NFASC: variants seen among roughly 807,000 people sequenced by gnomAD.
NFASC encodes neurofascin homolog.
In NFASC, 43 loss-of-function variants were observed where a neutral mutation model predicts 147.5. That is an observed-to-expected ratio of 0.29 (90% CI 0.23 to 0.38). NFASC has a LOEUF of 0.38. Ranked by LOEUF, NFASC falls within the 10% of genes least tolerant of loss-of-function variation. NFASC has a pLI of 1.00. For synonymous variants in NFASC, 622 were observed against 665.5 expected (o/e 0.93, Z 1.01); for missense variants, 1,320 against 1,689.0 (o/e 0.78, Z 3.83).
chr1:204,928,197 C>T (rs1225580052), intron 2 of NFASC, among the ~76,000 whole-genome samples: 1 of 152,238 alleles, frequency 6.6e-6, no homozygotes, highest in Non-Finnish European at 1.5e-5. Context: ...TAAGCCAGCC[C>T]TTCACAGGGT....
At chr1:204,880,812 G>T (rs1192232643) in intron 1 of NFASC, among the ~76,000 whole-genome samples, 5 of 152,168 alleles carry the variant, frequency 3.3e-5, no homozygotes, top group Non-Finnish European at 7.3e-5. Flanking sequence ...TTTTATGCAG[G>T]ATCAGCGTCA....
At chr1:204,839,365 T>A (rs1437804457) in intron 1 of NFASC, among the ~76,000 whole-genome samples, 1 of 133,190 alleles carries the variant, frequency 7.5e-6, no homozygotes, top group Non-Finnish European at 1.6e-5. Context: ...CAGGCACGTA[T>A]GAAACACACA....
chr1:204,940,757 T>A (rs1029666805), intron 2 of NFASC, among the ~76,000 whole-genome samples: 1 of 152,240 alleles, frequency 6.6e-6, no homozygotes, highest in Non-Finnish European at 1.5e-5. Flanking sequence ...TTCATCCATG[T>A]TGGAGCATGT....
At chr1:204,860,833 A>G (rs2076598983) in intron 1 of NFASC, among the ~76,000 whole-genome samples, 1 of 152,142 alleles carries the variant, frequency 6.6e-6, no homozygotes. Flanking sequence ...GTGGAATCAT[A>G]TAATATATGG....
chr1:204,929,517 C>A (rs1233014166), intron 2 of NFASC: 2 of 152,466 alleles, frequency 1.3e-5, no homozygotes, highest in African/African-American at 4.8e-5. Context: ...GTGCTTTCCT[C>A]TGCTGCCAAG....
At chr1:204,983,442 G>A (rs1423860302) in intron 21 of NFASC, among the ~76,000 whole-genome samples, 1 of 152,180 alleles carries the variant, frequency 6.6e-6, no homozygotes, top group Non-Finnish European at 1.5e-5. Flanking sequence ...GCTGGCAGCA[G>A]CAGGAAGCCA....
intron 25 of NFASC, 109 bp from the exon 26 acceptor site, chr1:205,001,061 G>T: frequency 1.4e-6 from 1 of 722,194 alleles, no homozygotes. Context: ...GTGCGTGCGC[G>T]AGTGTGGGCA....
chr1:204,909,170 C>A (rs911697438), intron 1 of NFASC, among the ~76,000 whole-genome samples: 2 of 152,204 alleles, frequency 1.3e-5, no homozygotes, highest in African/African-American at 4.8e-5. Context: ...AAACCATATT[C>A]TAGACGCTGT....
At chr1:204,881,464 C>G (rs1209750972) in intron 1 of NFASC, among the ~76,000 whole-genome samples, 2 of 152,216 alleles carry the variant, frequency 1.3e-5, no homozygotes, top group Admixed American at 6.5e-5. Flanking sequence ...GCTAGTAGTT[C>G]CTCTGCTCCC....
At chr1:205,007,806 G>T (rs1199482873) in intron 27 of NFASC, among the ~76,000 whole-genome samples, 2 of 152,198 alleles carry the variant, frequency 1.3e-5, no homozygotes, top group African/African-American at 4.8e-5. Flanking sequence ...GGCCTGCTCT[G>T]ATGGAGCCCG....
At chr1:204,857,725 A>G (rs2076281223) in intron 1 of NFASC, among the ~76,000 whole-genome samples, 1 of 152,122 alleles carries the variant, frequency 6.6e-6, no homozygotes, top group Admixed American at 6.5e-5. Context: ...ACAAAGTACC[A>G]CAACCCTGGT....
intron 16 of NFASC, chr1:204,977,265 G>T: frequency 3.1e-6 from 1 of 327,046 alleles, no homozygotes; most frequent in Admixed American, 5.6e-5. Flanking sequence ...ATGACGTTGT[G>T]TCTTCCTGTC....
At chr1:204,978,035 G>T (rs2095441602) in intron 17 of NFASC, among the ~76,000 whole-genome samples, 1 of 152,216 alleles carries the variant, frequency 6.6e-6, no homozygotes, top group South Asian at 2.1e-4. Flanking sequence ...GGTCCTGTTT[G>T]CAGGGAATGC....
chr1:204,973,560 A>G, intron 12 of NFASC, 141 bp downstream of exon 12: 1 of 1,072,078 alleles, frequency 9.3e-7, no homozygotes, highest in Non-Finnish European at 1.3e-6. Flanking sequence ...TGGATAGGGG[A>G]AACATGGAGA....
rs903282441 is a variant in NFASC, at chr1:205,015,673, C to T, written c.3492-635C>T. ...TCACCTGCTTACCTGTGTGCCCCCC[C>T]ACCACCACCACTCTTGCGCACCTGT... On this transcript the variant is annotated intron_variant, in intron 29 of 29. Transcript: ENST00000339876. The surrounding 1 kb of genome is among the most constrained non-coding windows in gnomAD (Gnocchi z 4.0). Among the ~76,000 whole-genome samples the T allele has an allele frequency of 1.3e-5, 2 of 152,128 alleles. No homozygotes were observed. The highest frequency in any genetic ancestry group is 4.8e-5 in the African/African-American group (2 of 41,426).
intron 17 of NFASC, among the ~76,000 whole-genome samples, 162 bp from the exon 18 acceptor site, chr1:204,978,806 T>A (rs1359682154): frequency 6.6e-6 from 1 of 152,182 alleles, no homozygotes; most frequent in Non-Finnish European, 1.5e-5. Context: ...CTTGGGCCCC[T>A]GTGGGAAGGG....
chr1:204,849,207 T>A (rs780951774), intron 1 of NFASC, among the ~76,000 whole-genome samples: 35 of 152,240 alleles, frequency 2.3e-4, no homozygotes, highest in Non-Finnish European at 4.7e-4. Flanking sequence ...TGAGCCTCTC[T>A]ACCGAAACTA....
At chr1:204,941,052 G>T (rs1004626627) in intron 2 of NFASC, among the ~76,000 whole-genome samples, 1 of 152,154 alleles carries the variant, frequency 6.6e-6, no homozygotes, top group Non-Finnish European at 1.5e-5. Flanking sequence ...ACCTTACTCT[G>T]GTACTTTTCC....
chr1:204,885,889 G>A (rs77921985), intron 1 of NFASC, among the ~76,000 whole-genome samples: 1 of 152,186 alleles, frequency 6.6e-6, no homozygotes, highest in African/African-American at 2.4e-5. Context: ...CCAGCTCTCA[G>A]GTCTGAGCTT....
Sources: gnomAD v4.1 joint callset for allele counts (sites outside exome capture counted in the v4.1 genomes callset) on GRCh38, gnomAD v4.1.1 for gene constraint, Gnocchi (gnomAD v3.1) non-coding constraint, MANE v1.5 for transcripts, NCBI Gene and HGNC (gene_info 2026-07-23, HGNC 2026-07-21) for gene names.